The following ZFYVE26 variants were observed in gnomAD, a reference collection of about 807,000 sequenced individuals.
The protein encoded by ZFYVE26 is zinc finger FYVE-type containing 26, also known as zinc finger FYVE domain-containing protein 26.
In ZFYVE26, 181 loss-of-function variants were observed where a neutral mutation model predicts 276.5. That is an observed-to-expected ratio of 0.65 (90% CI 0.58 to 0.74). ZFYVE26 has a LOEUF of 0.74. Ranked by LOEUF, ZFYVE26 falls within the 30% of genes least tolerant of loss-of-function variation. ZFYVE26 has a pLI of 0.00. For synonymous variants in ZFYVE26, 1,129 were observed against 1,203.1 expected, an observed-to-expected ratio of 0.94 and a Z score of 1.27; for missense variants, 2,821 against 3,097.9, an observed-to-expected ratio of 0.91 and a Z score of 2.12.
Position 67,814,010 on chromosome 14 carries a change from C to A in ZFYVE26, c.249G>T (p.Leu83=), listed in dbSNP as rs199674363. ...CCTTTTCCCGGGCCAACCATTTCTC[C>A]AGTACAAGAAGCCAGACCCAGGCTA... ...QRVAWVWLLV[L]EKWLAREKKL... Residue 83 remains leucine, a synonymous_variant, in exon 3 of 42, where the codon CTG becomes CTT. Transcript: ENST00000347230. 3.1e-5 allele frequency: 50 copies of A among 1,613,924 alleles called. No homozygotes were observed. Among genetic ancestry groups the A allele is most frequent in the Admixed American group, 6.7e-5 (4 of 59,998 alleles).
chr14:67,733,133 TAAAAAAAACAA>T (rs2038307143), intron 13 of ZFYVE26, among the ~76,000 whole-genome samples: 2 of 150,852 alleles, frequency 1.3e-5, no homozygotes, highest in Admixed American at 1.3e-4. Flanking sequence ...ATAATAAAAT[TAAAAAAAACAA>T]AAAAAAACAT....
intron 40 of ZFYVE26, among the ~76,000 whole-genome samples, chr14:67,752,099 T>C (rs1473994797): frequency 6.6e-6 from 1 of 152,138 alleles, no homozygotes; most frequent in African/African-American, 2.4e-5. Flanking sequence ...CATAGACACA[T>C]CCAGGTGCAA....
Position 67,775,978 on chromosome 14 carries a change from G to A in ZFYVE26, c.5103C>T (p.Leu1701=), listed in dbSNP as rs146148247. The part of the protein sequence containing the change: ...VDWATVAVQT[L]QQLLVGQEIG... ...TCTCCTGTCCAACCAGCAGCTGCTG[G>A]AGAGTCTGCACAGCCACAGTGGCCC... The change falls in exon 26 of 42, where the codon CTC becomes CTT. Residue 1701 remains leucine (L), a synonymous_variant. Transcript: ENST00000347230. 53 of 1,614,166 alleles carry A rather than the reference G, an allele frequency of 3.3e-5. No homozygotes were observed. The East Asian group carries it at 1.2e-3, about 35-fold the overall frequency.
rs757797866 is a variant in ZFYVE26, at chr14:67,786,261, G to GAAAAAAAAAA, written c.3020-29_3020-28insTTTTTTTTTT. ...GGAAATAGATGAAGGAAGAGGGAAT[G>GAAAAAAAAAA]CAAAAAAAAAAAATTGAAGTGTTTT... is the stretch of plus-strand genomic sequence containing the variant. On this transcript the variant is annotated intron_variant, in intron 16 of 41. Coordinates refer to ENST00000347230, the MANE Select transcript of ZFYVE26 (RefSeq NM_015346.4). The GAAAAAAAAAA allele has an allele frequency of 0.01, 5,203 of 513,268 alleles. 206 individuals are homozygous for GAAAAAAAAAA. In the African/African-American group the frequency reaches 0.11, roughly 11 times the overall value. The allele number at this position is 513,268 out of a possible 1,614,324, so 31.8% of individuals were successfully genotyped here.
chr14:67,755,181 C>G lies in ZFYVE26; in HGVS notation c.6856G>C (p.Gly2286Arg). The G allele has an allele frequency of 6.2e-7, 1 of 1,614,156 alleles. No individual in the cohort carries two copies. Among genetic ancestry groups the G allele is most frequent in the Non-Finnish European group, 8.5e-7 (1 of 1,180,038 alleles). The change falls in exon 37 of 42, where the codon GGA becomes CGA. Residue 2286 changes from glycine (G) to arginine (R), a missense_variant. Coordinates refer to ENST00000347230, the MANE Select transcript of ZFYVE26 (RefSeq NM_015346.4). ...SHKAKSYTEL[G>R]EKLSWLLKAK... Reference sequence around the variant, plus strand: ...TTAAGTAGCCATGAGAGCTTCTCTCCCAGTTCTGTATATGACTTTGCTTTG... The same window carrying G: ...TTAAGTAGCCATGAGAGCTTCTCTCGCAGTTCTGTATATGACTTTGCTTTG...
At chr14:67,777,386 A>T (rs1014939010) in intron 25 of ZFYVE26, among the ~76,000 whole-genome samples, 173 bp downstream of exon 25, 1 of 152,232 alleles carries the variant, frequency 6.6e-6, no homozygotes, top group East Asian at 1.9e-4. Context: ...TAAAGATTTC[A>T]TATAGCACAG....
At chr14:67,762,928 A>G (rs1263127671) in intron 32 of ZFYVE26, 109 bp from the exon 33 acceptor site, 1 of 1,481,064 alleles carries the variant, frequency 6.8e-7, no homozygotes, top group Non-Finnish European at 9.1e-7. Context: ...TTTGAAACAG[A>G]GTCTCGTTCT....
chr14:67,741,676 C>A (rs1214642735), downstream of ZFYVE26, among the ~76,000 whole-genome samples: 1 of 152,182 alleles, frequency 6.6e-6, no homozygotes, highest in Non-Finnish European at 1.5e-5. Context: ...CCTCAAATAA[C>A]AACATGGTAC....
chr14:67,807,294 T>G, intron 5 of ZFYVE26, 104 bp downstream of exon 5: 1 of 1,505,482 alleles, frequency 6.6e-7, no homozygotes, highest in Non-Finnish European at 9.1e-7. Flanking sequence ...GCCTCCCCTA[T>G]TAGATGTCCT....
intron 14 of ZFYVE26, 102 bp from the exon 15 acceptor site, chr14:67,790,875 T>A (rs911329633): frequency 9.2e-7 from 1 of 1,082,828 alleles, no homozygotes; most frequent in African/African-American, 1.5e-5. Flanking sequence ...GGCCCTAAGA[T>A]GTCTTTGTGC....
chr14:67,729,313 G>C (rs2140150918), exon 14 of ZFYVE26: 1 of 1,600,970 alleles, frequency 6.2e-7, no homozygotes, highest in East Asian at 2.2e-5. Context: ...GGCACGGGAG[G>C]GGGCGCAGAC....
intron 40 of ZFYVE26, 128 bp downstream of exon 40, chr14:67,752,216 G>C: frequency 8.2e-7 from 1 of 1,225,444 alleles, no homozygotes; most frequent in Non-Finnish European, 1.2e-6. Flanking sequence ...CATTATTGCA[G>C]AGGGGTTCAG....
Position 67,786,107 on chromosome 14 carries a change from A to T in ZFYVE26, c.3139+7T>A. The T allele has an allele frequency of 6.2e-7, 1 of 1,614,152 alleles. No individual in the cohort carries two copies. The highest frequency in any genetic ancestry group is 8.5e-7 in the Non-Finnish European group (1 of 1,180,002). On this transcript the variant is annotated splice_region_variant and intron_variant, in intron 17 of 41. Transcript: ENST00000347230. ...CCAGGAGAAGAAAAGAGAAAAAAGC[A>T]ACTCACCTGATTTGGTTTGACTGGC...
At chr14:67,744,453 GGTTT>G (rs1249988489), downstream of ZFYVE26, among the ~76,000 whole-genome samples, 8 of 152,220 alleles carry the variant, frequency 5.3e-5, no homozygotes, top group African/African-American at 1.7e-4. Context: ...AGAATGTGCA[GGTTT>G]GTTACATAGG....
intron 18 of ZFYVE26, 125 bp from the exon 19 acceptor site, chr14:67,785,402 A>G: frequency 1.2e-6 from 1 of 845,252 alleles, no homozygotes; most frequent in Non-Finnish European, 1.9e-6. Flanking sequence ...GATGGCCTGG[A>G]CACTACACTT....
chr14:67,777,642 C>T lies in ZFYVE26; in HGVS notation c.4891G>A (p.Ala1631Thr), dbSNP rs1358350900. The T allele has an allele frequency of 6.2e-7, 1 of 1,613,942 alleles. No homozygotes were observed. The highest frequency in any genetic ancestry group is 8.5e-7 in the Non-Finnish European group (1 of 1,180,024). ...HTSLATSHFL[A>T]NYLTTHFYGQ... The stretch of plus-strand genomic sequence containing the variant: ...TAGAAGTGGGTGGTGAGGTAGTTGG[C>T]CAAGAAGTGAGAAGTGGCCAAGCTA... The change falls in exon 25 of 42, where the codon GCC (alanine) becomes ACC (threonine). Residue 1631 changes from alanine (A) to threonine (T), a missense_variant. By Grantham distance (58) the Ala-to-Thr change is moderately conservative. Coordinates refer to ENST00000347230, the MANE Select transcript of ZFYVE26 (RefSeq NM_015346.4).
intron 4 of ZFYVE26, 71 bp from the exon 5 acceptor site, chr14:67,807,991 C>T: frequency 1.9e-6 from 3 of 1,558,274 alleles, no homozygotes; most frequent in Middle Eastern, 1.7e-4. Context: ...TGCCTTCATG[C>T]TTTCCTCTTT....
At chr14:67,807,358 A>T (rs1412469688) in intron 5 of ZFYVE26, 40 bp downstream of exon 5, 1 of 1,613,070 alleles carries the variant, frequency 6.2e-7, no homozygotes, top group African/African-American at 1.3e-5. Flanking sequence ...GGCATACTGG[A>T]ATTACTGAAA....
At position 67,756,002 on chromosome 14, in the gene ZFYVE26, A is replaced by G. The variant is rs1284181797; in HGVS notation, c.6732T>C (p.His2244=). The change falls in exon 36 of 42, where the codon CAT becomes CAC. Residue 2244 remains histidine (H), a synonymous_variant. Transcript: ENST00000347230. Reference sequence around the variant, plus strand: ...TGTGGTAGTAGTTCTTCTTCTGTAAATGTTGGCAGGCAGCAATCAAGTACT... The same window carrying G: ...TGTGGTAGTAGTTCTTCTTCTGTAAGTGTTGGCAGGCAGCAATCAAGTACT... The part of the protein sequence containing the change: ...WGKYLIAACQ[H]LQKKNYYHIL... 3.1e-6 allele frequency: 5 copies of G among 1,614,194 alleles called. No individual in the cohort carries two copies. The highest frequency in any genetic ancestry group is 4.2e-6 in the Non-Finnish European group (5 of 1,180,042).
Sources: gnomAD v4.1 joint callset for allele counts (sites outside exome capture counted in the v4.1 genomes callset) on GRCh38, gnomAD v4.1.1 for gene constraint, MANE v1.5 for transcripts, NCBI Gene and HGNC (gene_info 2026-07-23, HGNC 2026-07-21) for gene names.